IGF1R: variants seen among roughly 807,000 people sequenced by gnomAD.
The protein encoded by IGF1R is insulin-like growth factor 1 receptor.
A neutral mutation model predicts 144.6 loss-of-function variants in IGF1R; 44 were observed. That is an observed-to-expected ratio of 0.30 (90% CI 0.24 to 0.39). The LOEUF is 0.39. IGF1R is among the 10% of genes least tolerant of loss of function. IGF1R has a pLI of 1.00. For synonymous variants in IGF1R, 795 were observed against 722.8 expected, an observed-to-expected ratio of 1.10 and a Z score of -1.60; for missense variants, 1,355 against 1,833.7, an observed-to-expected ratio of 0.74 and a Z score of 4.77.
chr15:98,698,901 A>C (rs1421302430), intron 1 of IGF1R, among the ~76,000 whole-genome samples: 3 of 151,158 alleles, frequency 2.0e-5, no homozygotes, highest in Non-Finnish European at 4.4e-5. Flanking sequence ...AATTGAAAAG[A>C]GTACAGGTCA....
At position 98,718,116 on chromosome 15, in the gene IGF1R, A is replaced by C. The variant is rs540906627; in HGVS notation, c.640+10009A>C. On this transcript the variant is annotated intron_variant, in intron 2 of 20. Coordinates refer to ENST00000650285, the MANE Select transcript of IGF1R (RefSeq NM_000875.5). ...CTCCCTTAGGTCTTCCTTCCGTTCA[A>C]GGGGATCAGGTGGGTGGGAAAATGT... 2.0e-5 allele frequency among the ~76,000 whole-genome samples: 3 copies of C among 152,262 alleles called. No homozygotes were observed. In the East Asian group the frequency reaches 5.8e-4, roughly 29 times the overall value.
chr15:98,939,149 TG>T, intron 17 of IGF1R, 51 bp from the exon 18 acceptor site: 1 of 1,502,842 alleles, frequency 6.7e-7, no homozygotes, highest in Non-Finnish European at 9.3e-7. Flanking sequence ...GAAATTGGCA[TG>T]GAAAAAAAAA....
At chr15:98,848,883 A>G (rs114570165) in intron 2 of IGF1R, among the ~76,000 whole-genome samples, 118 of 152,344 alleles carry the variant, frequency 7.7e-4, no homozygotes, top group Middle Eastern at 3.4e-3. Context: ...AAAAGAGAAA[A>G]CACCTTAAGA....
chr15:98,911,008 A>G (rs2014988254), intron 6 of IGF1R, among the ~76,000 whole-genome samples: 1 of 152,212 alleles, frequency 6.6e-6, no homozygotes. Context: ...GAGAAGAAAG[A>G]TAAGTTCACC....
At chr15:98,938,747 T>C (rs561088514) in intron 17 of IGF1R, among the ~76,000 whole-genome samples, 1 of 152,364 alleles carries the variant, frequency 6.6e-6, no homozygotes, top group East Asian at 1.9e-4. Context: ...AAATATACCA[T>C]GTCCATTTGG....
intron 1 of IGF1R, among the ~76,000 whole-genome samples, chr15:98,703,161 T>C (rs1167494703): frequency 1.3e-5 from 2 of 152,088 alleles, no homozygotes; most frequent in African/African-American, 4.8e-5. Flanking sequence ...TGTCTTATTC[T>C]TTACAGGGCT....
chr15:98,875,349 C>CT (rs34303390), intron 2 of IGF1R, among the ~76,000 whole-genome samples: 40,208 of 130,118 alleles, frequency 0.31, 6,975 homozygotes, highest in East Asian at 0.78. Context: ...CTTTTCTTTT[C>CT]TTTTTTTTTT....
At chr15:98,881,493 T>A (rs982305131) in intron 2 of IGF1R, among the ~76,000 whole-genome samples, 3 of 152,196 alleles carry the variant, frequency 2.0e-5, no homozygotes, top group African/African-American at 7.2e-5. Flanking sequence ...TAGCTAATTT[T>A]TGTATTTTTA....
intron 10 of IGF1R, among the ~76,000 whole-genome samples, chr15:98,919,633 C>T (rs1665441827): frequency 6.6e-6 from 1 of 152,176 alleles, no homozygotes; most frequent in African/African-American, 2.4e-5. Context: ...TTATCTGTCC[C>T]CCGAGTCCTT....
chr15:98,900,047 T>G (rs146622562), intron 5 of IGF1R, among the ~76,000 whole-genome samples: 1 of 152,204 alleles, frequency 6.6e-6, no homozygotes, highest in Non-Finnish European at 1.5e-5. Flanking sequence ...TTTTAAGATA[T>G]TGGAAGTGAG....
intron 2 of IGF1R, among the ~76,000 whole-genome samples, chr15:98,711,545 A>T (rs1382874099): frequency 6.6e-6 from 1 of 152,000 alleles, no homozygotes; most frequent in Non-Finnish European, 1.5e-5. Context: ...GATTTTATAC[A>T]TTTTTGAGTC....
chr15:98,689,212 G>C (rs548001676), intron 1 of IGF1R, among the ~76,000 whole-genome samples: 1 of 150,564 alleles, frequency 6.6e-6, no homozygotes, highest in South Asian at 2.1e-4. Flanking sequence ...TCAAGGACAA[G>C]CAGCTTTGGA....
At chr15:98,713,522 G>T (rs937197478) in intron 2 of IGF1R, among the ~76,000 whole-genome samples, 2 of 152,152 alleles carry the variant, frequency 1.3e-5, no homozygotes, top group African/African-American at 4.8e-5. Flanking sequence ...TTGTGGGGAT[G>T]ATTCCAGGCC....
intron 2 of IGF1R, among the ~76,000 whole-genome samples, chr15:98,821,369 C>A (rs1356524570): frequency 6.6e-6 from 1 of 151,532 alleles, no homozygotes; most frequent in East Asian, 2.0e-4. Context: ...TCCCTTGGAT[C>A]TGGAACTTAA....
intron 4 of IGF1R, 26 bp downstream of exon 4, chr15:98,896,931 A>C (rs2151652887): frequency 6.2e-7 from 1 of 1,612,398 alleles, no homozygotes; most frequent in Non-Finnish European, 8.5e-7. Context: ...CCCTGGAAAA[A>C]CGGCTAGATC....
chr15:98,746,756 T>C (rs1372258937), intron 2 of IGF1R, among the ~76,000 whole-genome samples: 4 of 152,108 alleles, frequency 2.6e-5, no homozygotes, highest in Admixed American at 2.6e-4. Context: ...TTGGTTGTTG[T>C]GTTTTGCCTT....
In IGF1R at chr15:98,896,850, G is replaced by A. The variant is rs2151652563; in HGVS notation, c.1047G>A (p.Met349Ile). The A allele has an allele frequency of 6.2e-7, 1 of 1,613,990 alleles. No homozygotes were observed. Among genetic ancestry groups the A allele is most frequent in the Non-Finnish European group, 8.5e-7 (1 of 1,179,980 alleles). Reference sequence around the variant, plus strand: ...TTGATTCTGTTACTTCTGCTCAGATGCTCCAAGGATGCACCATCTTCAAGG... The same window carrying A: ...TTGATTCTGTTACTTCTGCTCAGATACTCCAAGGATGCACCATCTTCAAGG... ...KTIDSVTSAQ[M>I]LQGCTIFKGN... The change falls in exon 4 of 21, where the codon ATG (methionine) becomes ATA (isoleucine). Residue 349 changes from methionine (M) to isoleucine (I), a missense_variant. This residue lies in a region of IGF1R where 880 missense variants were observed against 1,202.7 expected (regional missense o/e 0.73). Coordinates refer to ENST00000650285, the MANE Select transcript of IGF1R (RefSeq NM_000875.5).
At chr15:98,871,795 C>T (rs1182815823) in intron 2 of IGF1R, among the ~76,000 whole-genome samples, 1 of 152,194 alleles carries the variant, frequency 6.6e-6, no homozygotes, top group Non-Finnish European at 1.5e-5. Flanking sequence ...GGGTCCCTCC[C>T]ACAACATGTG....
rs1353981385 is a variant in IGF1R, at chr15:98,935,996, T to C, written c.3297+570T>C. On this transcript the variant is annotated intron_variant, in intron 17 of 20. Coordinates refer to ENST00000650285, the MANE Select transcript of IGF1R (RefSeq NM_000875.5). This position sits in a 1 kb window ranked among gnomAD's most constrained non-coding sequence, Gnocchi z 4.2. Reference sequence around the variant, plus strand: ...GTTCAAGGTTAAGCTGCCTGGATTCTTGCCCTTGCATCTGGGAAGTTGCTG... The same window carrying C: ...GTTCAAGGTTAAGCTGCCTGGATTCCTGCCCTTGCATCTGGGAAGTTGCTG... Among the ~76,000 whole-genome samples, 2 of 152,176 alleles carry C rather than the reference T, an allele frequency of 1.3e-5. No homozygotes were observed. The highest frequency in any genetic ancestry group is 4.8e-5 in the African/African-American group (2 of 41,436).
Sources: allele counts gnomAD v4.1 joint callset (sites outside exome capture counted in the v4.1 genomes callset), GRCh38; gene constraint gnomAD v4.1.1; regional missense constraint gnomAD v4.1.1; non-coding constraint Gnocchi (gnomAD v3.1); transcripts MANE v1.5; gene names NCBI Gene and HGNC (gene_info 2026-07-23, HGNC 2026-07-21).